The following NPAS3 variants were observed in gnomAD, a reference collection of about 807,000 sequenced individuals.
NPAS3 encodes the protein neuronal PAS domain protein 3, also known as neuronal PAS domain-containing protein 3.
NPAS3 carries 14 observed loss-of-function variants against 73.1 expected under a neutral mutation model. The ratio of observed to expected loss-of-function variants is 0.19; its 90% CI spans 0.13 to 0.30. The LOEUF (loss-of-function observed/expected upper bound fraction) is 0.30, where lower values mean the gene tolerates loss of function less well. NPAS3 is among the 10% of genes least tolerant of loss of function. The probability of loss-of-function intolerance (pLI) is 1.00; values close to 1 mark genes in which losing one functional copy is unlikely to be tolerated. For synonymous variants in NPAS3, 620 were observed against 541.5 expected (o/e 1.14, Z -2.01); for missense variants, 1,096 against 1,250.0 (o/e 0.88, Z 1.86).
intron 5 of NPAS3, among the ~76,000 whole-genome samples, chr14:33,599,764 C>G (rs540896345): frequency 6.6e-6 from 1 of 152,226 alleles, no homozygotes; most frequent in Non-Finnish European, 1.5e-5. Flanking sequence ...TTGGGAAGCT[C>G]GTTCAGGAGG....
At chr14:33,772,070 C>T (rs1043981207) in intron 7 of NPAS3, among the ~76,000 whole-genome samples, 1 of 152,126 alleles carries the variant, frequency 6.6e-6, no homozygotes, top group African/African-American at 2.4e-5. Context: ...TTTTATGATC[C>T]TTTAAAATAG....
intron 1 of NPAS3, among the ~76,000 whole-genome samples, chr14:33,019,604 ATGAT>A (rs1249459435): frequency 6.6e-6 from 1 of 152,240 alleles, no homozygotes; most frequent in Non-Finnish European, 1.5e-5. Context: ...GTGAAAGTGA[ATGAT>A]TGATTTGCTG....
intron 5 of NPAS3, among the ~76,000 whole-genome samples, chr14:33,591,307 T>C (rs1429177899): frequency 6.6e-6 from 1 of 152,186 alleles, no homozygotes; most frequent in African/African-American, 2.4e-5. Context: ...CCAATGTCCA[T>C]CATGACTCCT....
At chr14:33,307,613 T>TA (rs763634896) in intron 3 of NPAS3, among the ~76,000 whole-genome samples, 2 of 44,136 alleles carry the variant, frequency 4.5e-5, no homozygotes, top group African/African-American at 1.5e-4. Flanking sequence ...GTGTGTGTGT[T>TA]CGTGTGCGTG....
intron 1 of NPAS3, among the ~76,000 whole-genome samples, chr14:32,969,512 TA>T (rs895834032): frequency 1.6e-4 from 24 of 152,220 alleles, no homozygotes; most frequent in African/African-American, 5.5e-4. Context: ...GCATTTTATA[TA>T]AAAAGGTCTG....
intron 3 of NPAS3, among the ~76,000 whole-genome samples, chr14:33,264,250 C>T (rs565239162): frequency 1.3e-5 from 2 of 150,896 alleles, no homozygotes; most frequent in East Asian, 2.0e-4. Context: ...GGAAGGGGAA[C>T]ATCACACACT....
intron 3 of NPAS3, among the ~76,000 whole-genome samples, chr14:33,295,364 C>T (rs938849215): frequency 6.6e-6 from 1 of 152,148 alleles, no homozygotes; most frequent in African/African-American, 2.4e-5. Flanking sequence ...TTTTAAAAGT[C>T]CTTTTCTGAT....
At chr14:33,060,202 A>G (rs1008067363) in intron 2 of NPAS3, among the ~76,000 whole-genome samples, 3 of 152,242 alleles carry the variant, frequency 2.0e-5, no homozygotes, top group African/African-American at 7.2e-5. Context: ...AGTAGGAAAG[A>G]GTCAACTGAG....
intron 6 of NPAS3, among the ~76,000 whole-genome samples, chr14:33,732,233 GCACA>G (rs143767826): frequency 1.3e-5 from 2 of 151,386 alleles, no homozygotes; most frequent in Non-Finnish European, 3.0e-5. Flanking sequence ...GCATGTGCAC[GCACA>G]CACACACACA....
Position 33,365,201 on chromosome 14 carries a change from C to CAAAAAAAAAAAAAAAAAAAAAAAAAAAA in NPAS3, c.386-1964_386-1963insAAAAAAAAAAAAAAAAAAAAAAAAAAAA, listed in dbSNP as rs371230319. ...CAAAAGCCACCCACCCCCATAATCT[C>CAAAAAAAAAAAAAAAAAAAAAAAAAAAA]AAAAAAAAAAAAAAAAAAAAAGGCT... On this transcript the variant is annotated intron_variant, in intron 3 of 11. Transcript: ENST00000356141. 4.4e-5 allele frequency among the ~76,000 whole-genome samples: 2 copies of CAAAAAAAAAAAAAAAAAAAAAAAAAAAA among 45,070 alleles called. 1 individual carries two copies. Among genetic ancestry groups the CAAAAAAAAAAAAAAAAAAAAAAAAAAAA allele is most frequent in the Non-Finnish European group, 7.1e-5 (2 of 28,230 alleles). 29.6% of individuals were successfully genotyped at this position (45,070 alleles called of 152,430 possible).
chr14:33,270,679 C>T (rs187305171), intron 3 of NPAS3, among the ~76,000 whole-genome samples: 278 of 152,134 alleles, frequency 1.8e-3, no homozygotes, highest in Non-Finnish European at 3.2e-3. Context: ...TCTGGAAGAT[C>T]GTAATTAAAG....
At chr14:33,639,543 A>C (rs1271745621) in intron 5 of NPAS3, among the ~76,000 whole-genome samples, 1 of 152,186 alleles carries the variant, frequency 6.6e-6, no homozygotes, top group East Asian at 1.9e-4. Context: ...AGAGTCAAAA[A>C]TTATACATTC....
intron 3 of NPAS3, among the ~76,000 whole-genome samples, chr14:33,361,981 A>G (rs2045624700): frequency 6.6e-6 from 1 of 152,194 alleles, no homozygotes; most frequent in East Asian, 1.9e-4. Flanking sequence ...ACACTGAAAA[A>G]GCACTGTGAT....
chr14:32,986,776 G>T (rs1217792921), intron 1 of NPAS3, among the ~76,000 whole-genome samples: 1 of 152,250 alleles, frequency 6.6e-6, no homozygotes, highest in African/African-American at 2.4e-5. Context: ...GAGCTGGGCT[G>T]TGGGAATGCA....
intron 1 of NPAS3, among the ~76,000 whole-genome samples, chr14:32,942,093 G>A (rs767511486): frequency 6.6e-6 from 1 of 152,110 alleles, no homozygotes; most frequent in South Asian, 2.1e-4. Flanking sequence ...TTTCCTTGTA[G>A]CAGTTGAACA....
chr14:33,180,610 T>A (rs192386748), intron 2 of NPAS3, among the ~76,000 whole-genome samples: 4 of 151,944 alleles, frequency 2.6e-5, no homozygotes, highest in African/African-American at 4.8e-5. Context: ...CCATCCTGGC[T>A]AACACGGTGA....
chr14:33,021,057 C>T (rs2138259263), intron 1 of NPAS3, among the ~76,000 whole-genome samples: 1 of 152,300 alleles, frequency 6.6e-6, no homozygotes, highest in South Asian at 2.1e-4. Context: ...AGCCACTGCA[C>T]CCGGCCAGGT....
At chr14:33,536,177 T>G (rs1393907080) in intron 4 of NPAS3, among the ~76,000 whole-genome samples, 2 of 152,104 alleles carry the variant, frequency 1.3e-5, no homozygotes, top group Admixed American at 6.5e-5. Flanking sequence ...CCTGAAGACA[T>G]AGAGAGAGCT....
Position 33,751,381 on chromosome 14 carries a change from T to G in NPAS3, c.852+16049T>G, listed in dbSNP as rs117545166. On this transcript the variant is annotated intron_variant, in intron 7 of 11. Transcript: ENST00000356141. ...CTGCCAACATGAGTGCAGGGACTTT[T>G]TCCCCTTAATCTCACATTGCTCATA... 1.8e-4 allele frequency among the ~76,000 whole-genome samples: 28 copies of G among 152,312 alleles called. No homozygotes were observed. In the East Asian group the frequency reaches 4.6e-3, roughly 25 times the overall value.
Sources: allele counts gnomAD v4.1 joint callset (sites outside exome capture counted in the v4.1 genomes callset), GRCh38; gene constraint gnomAD v4.1.1; transcripts MANE v1.5; gene names NCBI Gene and HGNC (gene_info 2026-07-23, HGNC 2026-07-21).